Variants in ADAMTS20 observed in about 807,000 individuals in gnomAD.
The protein encoded by ADAMTS20 is A disintegrin and metalloproteinase with thrombospondin motifs 20.
ADAMTS20 carries 225 observed loss-of-function variants against 260.1 expected under a neutral mutation model. That is an observed-to-expected ratio of 0.87 (90% confidence interval 0.78 to 0.97). The LOEUF (loss-of-function observed/expected upper bound fraction) is 0.97. ADAMTS20 is among the 50% of genes least tolerant of loss of function. ADAMTS20 has a pLI of 0.00. For synonymous variants in ADAMTS20, 802 were observed against 769.5 expected (o/e 1.04, Z -0.70); for missense variants, 2,400 against 2,337.7 (o/e 1.03, Z -0.55).
At chr12:43,394,960 C>T (rs1195261683) in intron 29 of ADAMTS20, among the ~76,000 whole-genome samples, 1 of 152,102 alleles carries the variant, frequency 6.6e-6, no homozygotes, top group Non-Finnish European at 1.5e-5. Flanking sequence ...CTGCTCCCTT[C>T]TTCTCATTTT....
chr12:43,384,598 C>T (rs1940430556), intron 29 of ADAMTS20, among the ~76,000 whole-genome samples: 1 of 152,114 alleles, frequency 6.6e-6, no homozygotes, highest in African/African-American at 2.4e-5. Flanking sequence ...TGCAATGCCT[C>T]ACCTTGTCCC....
At chr12:43,511,521 G>T (rs1942924128) in intron 3 of ADAMTS20, among the ~76,000 whole-genome samples, 2 of 151,964 alleles carry the variant, frequency 1.3e-5, no homozygotes, top group Non-Finnish European at 2.9e-5. Flanking sequence ...AGAAAGGCAG[G>T]ATAATGGAGG....
rs1941580611 is a variant in ADAMTS20 at position 43,437,580 on chromosome 12, T to C, written c.2593+2042A>G. ...AAGCCAGAAAACAAGAACTTCAAAA[T>C]TCTAAAGAAAAACATTCTCTATTTA... is the stretch of plus-strand genomic sequence containing the variant. On this transcript the variant is annotated intron_variant, in intron 18 of 38. Transcript: ENST00000389420. 2.0e-5 allele frequency among the ~76,000 whole-genome samples: 3 copies of C among 152,258 alleles called. No individual in the cohort carries two copies. In the South Asian group the frequency reaches 6.2e-4, roughly 32 times the overall value.
chr12:43,427,332 C>T lies in ADAMTS20; in HGVS notation c.4083G>A (p.Gln1361=). The change falls in exon 27 of 39, where the codon CAG becomes CAA. Residue 1361 remains glutamine, a synonymous_variant. Transcript: ENST00000389420. The stretch of plus-strand genomic sequence containing the variant: ...CTTCTCCCCAATTTCCGTAGTTCCA[C>T]TGTGGACAAGGCCCTGGACCACATT... The part of the protein sequence containing the change: ...LQQCGPGPCP[Q]WNYGNWGECS... 1.2e-6 allele frequency: 2 copies of T among 1,613,500 alleles called. No individual in the cohort carries two copies. Among genetic ancestry groups the T allele is most frequent in the Non-Finnish European group, 1.7e-6 (2 of 1,179,740 alleles).
intron 4 of ADAMTS20, among the ~76,000 whole-genome samples, chr12:43,500,243 G>A (rs1942738949): frequency 6.6e-6 from 1 of 152,030 alleles, no homozygotes; most frequent in African/African-American, 2.4e-5. Flanking sequence ...TGGCCAGACT[G>A]GTCTCGAACT....
At chr12:43,468,727 T>C in intron 7 of ADAMTS20, 22 bp from the exon 8 acceptor site, 1 of 1,398,236 alleles carries the variant, frequency 7.2e-7, no homozygotes, top group Non-Finnish European at 1.0e-6. Flanking sequence ...CACATTTGTA[T>C]TTCATCAAAA....
rs1046643180 is a variant in ADAMTS20 at position 43,415,852 on chromosome 12, C to A, written c.4284+9662G>T. On this transcript the variant is annotated intron_variant, in intron 28 of 38. Transcript: ENST00000389420. The stretch of plus-strand genomic sequence containing the variant: ...CTTTTGGTAAAGTCAAGATTATATT[C>A]TCTTACATGAGACTATCTAATACAA... Among the ~76,000 whole-genome samples the A allele has an allele frequency of 2.0e-5, 3 of 152,112 alleles. No individual in the cohort carries two copies. In the East Asian group the frequency reaches 5.8e-4, roughly 29 times the overall value.
At chr12:43,383,506 C>G (rs1940398900) in intron 31 of ADAMTS20, 52 bp downstream of exon 31, 1 of 1,523,796 alleles carries the variant, frequency 6.6e-7, no homozygotes, top group Non-Finnish European at 8.8e-7. Context: ...AATTGTAGAT[C>G]CAGCTGTTTT....
Position 43,356,538 on chromosome 12 carries a change from T to C in ADAMTS20, c.5589A>G (p.Thr1863=). Residue 1863 remains threonine, a synonymous_variant, in exon 38 of 39, where the codon ACA becomes ACG. Coordinates refer to ENST00000389420, the MANE Select transcript of ADAMTS20 (RefSeq NM_025003.5). ...LSGTGMKISS[T]AKWLTQGSYT... is the part of the protein sequence containing the mutation. ...AACTCCCCTGAGTGAGCCACTTTGC[T>C]GTGCTGGATATCTTCATCCCAGTTC... 6.2e-7 allele frequency: 1 copy of C among 1,612,368 alleles called. No homozygotes were observed. Among genetic ancestry groups the C allele is most frequent in the Non-Finnish European group, 8.5e-7 (1 of 1,179,150 alleles).
rs750429739 is a variant in ADAMTS20 at position 43,356,473 on chromosome 12, G to A, written c.5643+11C>T. 15 of 1,578,048 alleles carry A rather than the reference G, an allele frequency of 9.5e-6. No homozygotes were observed. The highest frequency in any genetic ancestry group is 6.9e-5 in the South Asian group (6 of 86,876). ...TATTTCAAACAGGCTTTTTGGTCCCGCAGGACTTACCTCTGATCTTCGTAT... is the reference window on the plus strand; with the variant it reads ...TATTTCAAACAGGCTTTTTGGTCCCACAGGACTTACCTCTGATCTTCGTAT... On this transcript the variant is annotated intron_variant, in intron 38 of 38. Coordinates refer to ENST00000389420, the MANE Select transcript of ADAMTS20 (RefSeq NM_025003.5).
At chr12:43,463,133 AT>A in intron 10 of ADAMTS20, 134 bp from the exon 11 acceptor site, 1 of 478,664 alleles carries the variant, frequency 2.1e-6, no homozygotes, top group Non-Finnish European at 3.6e-6. Context: ...TAATCAGCAA[AT>A]TTTTTTACTA....
At chr12:43,369,138 T>C (rs1940048008) in intron 37 of ADAMTS20, among the ~76,000 whole-genome samples, 152 bp downstream of exon 37, 1 of 152,138 alleles carries the variant, frequency 6.6e-6, no homozygotes, top group Admixed American at 6.6e-5. Context: ...CCTCCAAAGG[T>C]TATCTATAAC....
At chr12:43,376,751 A>C (rs548115574) in intron 32 of ADAMTS20, 98 bp from the exon 33 acceptor site, 1 of 1,402,274 alleles carries the variant, frequency 7.1e-7, no homozygotes, top group Admixed American at 2.3e-5. Context: ...TCTGGAGCAC[A>C]CTGAGGGTCA....
At chr12:43,412,065 G>A (rs988759881) in intron 28 of ADAMTS20, among the ~76,000 whole-genome samples, 3 of 151,980 alleles carry the variant, frequency 2.0e-5, no homozygotes, top group African/African-American at 7.2e-5. Flanking sequence ...ACTCAATAAC[G>A]GCAGAAACCA....
intron 31 of ADAMTS20, among the ~76,000 whole-genome samples, chr12:43,382,311 G>A (rs757658433): frequency 3.9e-5 from 6 of 152,136 alleles, no homozygotes; most frequent in Non-Finnish European, 8.8e-5. Flanking sequence ...AAAAAGGAAT[G>A]AAGCATTGAT....
chr12:43,491,597 T>A (rs1942600793), intron 6 of ADAMTS20, among the ~76,000 whole-genome samples: 1 of 152,182 alleles, frequency 6.6e-6, no homozygotes, highest in South Asian at 2.1e-4. Context: ...AGGTGTAAAT[T>A]AACAATGTAT....
chr12:43,520,271 C>T (rs887769882), intron 3 of ADAMTS20, among the ~76,000 whole-genome samples: 7 of 151,918 alleles, frequency 4.6e-5, no homozygotes, highest in Non-Finnish European at 7.4e-5. Context: ...AAAACAAGCG[C>T]TTAAGTTAAA....
intron 28 of ADAMTS20, among the ~76,000 whole-genome samples, chr12:43,420,796 C>T (rs202072803): frequency 2.6e-4 from 21 of 82,186 alleles, no homozygotes; most frequent in African/African-American, 8.4e-4. Flanking sequence ...TCCTCCTCCT[C>T]CTTCTTTTTT....
At chr12:43,410,242 G>A (rs1829713951) in intron 28 of ADAMTS20, among the ~76,000 whole-genome samples, 1 of 152,142 alleles carries the variant, frequency 6.6e-6, no homozygotes, top group South Asian at 2.1e-4. Flanking sequence ...GGTACAGCAG[G>A]GTTAAGGTCA....
Sources: allele counts gnomAD v4.1 joint callset (sites outside exome capture counted in the v4.1 genomes callset), GRCh38; gene constraint gnomAD v4.1.1; transcripts MANE v1.5; gene names NCBI Gene and HGNC (gene_info 2026-07-23, HGNC 2026-07-21).